Variants in CDC42BPA observed in about 807,000 individuals in gnomAD.
The protein encoded by CDC42BPA is serine/threonine-protein kinase MRCK alpha.
Under a neutral mutation model 223.5 loss-of-function variants are expected in CDC42BPA, and 80 were observed. The ratio of observed to expected loss-of-function variants is 0.36; its 90% CI spans 0.30 to 0.43. The LOEUF (loss-of-function observed/expected upper bound fraction) is 0.43. CDC42BPA is among the 20% of genes least tolerant of loss of function. The pLI, the probability that CDC42BPA is intolerant of heterozygous loss-of-function variation, is 1.00. For missense variants in CDC42BPA, 1,743 were observed against 2,099.9 expected, an observed-to-expected ratio of 0.83 and a Z score of 3.32; for synonymous variants, 694 against 718.6, an observed-to-expected ratio of 0.97 and a Z score of 0.55.
chr1:227,220,703 A>T (rs1052387097), intron 2 of CDC42BPA, among the ~76,000 whole-genome samples: 4 of 151,936 alleles, frequency 2.6e-5, no homozygotes, highest in Admixed American at 2.6e-4. Flanking sequence ...TTTGAACCCT[A>T]CCACTTTTCA....
At chr1:227,095,379 A>G (rs1219750777) in intron 15 of CDC42BPA, among the ~76,000 whole-genome samples, 1 of 152,134 alleles carries the variant, frequency 6.6e-6, no homozygotes, top group Non-Finnish European at 1.5e-5. Context: ...GATTGTATTA[A>G]AAGTTCAATT....
intron 5 of CDC42BPA, among the ~76,000 whole-genome samples, chr1:227,187,681 C>CT (rs1553383586): frequency 1.6e-5 from 1 of 62,484 alleles, no homozygotes; most frequent in Admixed American, 2.0e-4. Flanking sequence ...CACCCCCCAC[C>CT]CCCCCCCCAA....
intron 32 of CDC42BPA, among the ~76,000 whole-genome samples, chr1:227,022,000 C>T (rs1303708937): frequency 1.3e-5 from 2 of 150,106 alleles, no homozygotes; most frequent in African/African-American, 4.9e-5. Flanking sequence ...AGCCTCGCAA[C>T]AGAGCGAGAC....
At chr1:227,253,271 C>CGAGAGA (rs1043258082) in intron 2 of CDC42BPA, among the ~76,000 whole-genome samples, 7 of 152,006 alleles carry the variant, frequency 4.6e-5, no homozygotes, top group South Asian at 2.1e-4. Flanking sequence ...AGAGAGAGCG[C>CGAGAGA]GCGCGCGTGC....
At chr1:227,297,788 G>A (rs566071417) in intron 1 of CDC42BPA, among the ~76,000 whole-genome samples, 10 of 151,922 alleles carry the variant, frequency 6.6e-5, no homozygotes, top group African/African-American at 2.2e-4. Flanking sequence ...GGGGAAAGGA[G>A]AGAATGTAGA....
intron 1 of CDC42BPA, among the ~76,000 whole-genome samples, chr1:227,288,386 A>C (rs905217904): frequency 1.3e-5 from 2 of 152,070 alleles, no homozygotes; most frequent in Non-Finnish European, 2.9e-5. Context: ...AAAAATAAAA[A>C]AATGAAAAAT....
chr1:227,138,122 A>G (rs1658974649), intron 10 of CDC42BPA, among the ~76,000 whole-genome samples: 1 of 152,134 alleles, frequency 6.6e-6, no homozygotes, highest in African/African-American at 2.4e-5. Context: ...AGTCCATTCT[A>G]TTGATGTCTA....
At chr1:227,268,874 C>T (rs550336955) in intron 1 of CDC42BPA, among the ~76,000 whole-genome samples, 3 of 134,360 alleles carry the variant, frequency 2.2e-5, no homozygotes, top group Non-Finnish European at 4.8e-5. Context: ...TTTGTAGAGA[C>T]AGGGTTTGCC....
intron 2 of CDC42BPA, among the ~76,000 whole-genome samples, chr1:227,229,276 T>A (rs1264764161): frequency 6.6e-6 from 1 of 152,196 alleles, no homozygotes; most frequent in Non-Finnish European, 1.5e-5. Context: ...AAAACTGTTT[T>A]ACCTCCTTGG....
At chr1:227,114,218 C>T (rs1354036842) in intron 12 of CDC42BPA, among the ~76,000 whole-genome samples, 1 of 151,924 alleles carries the variant, frequency 6.6e-6, no homozygotes, top group East Asian at 1.9e-4. Flanking sequence ...AAAGACAAAT[C>T]ACCTATTCCC....
chr1:227,206,828 T>C (rs1033386781), intron 3 of CDC42BPA, among the ~76,000 whole-genome samples: 4 of 152,170 alleles, frequency 2.6e-5, no homozygotes, highest in African/African-American at 9.7e-5. Flanking sequence ...CACTTGGGCA[T>C]GGTATATAAT....
intron 2 of CDC42BPA, among the ~76,000 whole-genome samples, chr1:227,253,403 C>T (rs1682445972): frequency 6.6e-6 from 1 of 152,150 alleles, no homozygotes; most frequent in South Asian, 2.1e-4. Context: ...TGAGACCCGC[C>T]TGACCAACAC....
chr1:227,269,717 A>G (rs148770506), intron 1 of CDC42BPA, among the ~76,000 whole-genome samples: 48 of 152,272 alleles, frequency 3.2e-4, no homozygotes, highest in Non-Finnish European at 5.3e-4. Context: ...ATTCAAAACA[A>G]AAGAAAACCA....
At chr1:227,057,069 A>G (rs1674730018) in intron 21 of CDC42BPA, among the ~76,000 whole-genome samples, 1 of 152,182 alleles carries the variant, frequency 6.6e-6, no homozygotes, top group Non-Finnish European at 1.5e-5. Flanking sequence ...AAGAAAACAT[A>G]AGAGAAAGTT....
intron 19 of CDC42BPA, among the ~76,000 whole-genome samples, 197 bp from the exon 20 acceptor site, chr1:227,072,496 TC>T (rs1247906541): frequency 6.6e-6 from 1 of 151,924 alleles, no homozygotes; most frequent in African/African-American, 2.4e-5. Context: ...ACACAGCCAA[TC>T]TCATTCATTT....
chr1:227,135,609 C>A (rs1487544748), intron 10 of CDC42BPA, among the ~76,000 whole-genome samples: 1 of 152,048 alleles, frequency 6.6e-6, no homozygotes, highest in African/African-American at 2.4e-5. Flanking sequence ...AATCCCAGCA[C>A]TTAGGGAGGC....
intron 3 of CDC42BPA, among the ~76,000 whole-genome samples, chr1:227,207,698 T>C (rs1253817210): frequency 6.6e-6 from 1 of 150,938 alleles, no homozygotes; most frequent in African/African-American, 2.4e-5. Flanking sequence ...CATGAACTCA[T>C]CATTTTTTAT....
intron 10 of CDC42BPA, among the ~76,000 whole-genome samples, chr1:227,130,580 T>G (rs1320076347): frequency 6.6e-6 from 1 of 151,612 alleles, no homozygotes; most frequent in Non-Finnish European, 1.5e-5. Flanking sequence ...GAGGTGTAGG[T>G]GCGGTGGCTC....
intron 32 of CDC42BPA, among the ~76,000 whole-genome samples, chr1:227,020,743 T>C (rs1212946686): frequency 6.6e-6 from 1 of 152,262 alleles, no homozygotes; most frequent in African/African-American, 2.4e-5. Flanking sequence ...AACAGCACTT[T>C]ATTTCTTTCA....
Sources: gnomAD v4.1 joint callset for allele counts (sites outside exome capture counted in the v4.1 genomes callset) on GRCh38, gnomAD v4.1.1 for gene constraint, MANE v1.5 for transcripts, NCBI Gene and HGNC (gene_info 2026-07-23, HGNC 2026-07-21) for gene names.